Variants in SLC49A4 observed in about 807,000 individuals in gnomAD.
The protein encoded by SLC49A4 is disrupted in renal cancer protein 2.
A neutral mutation model predicts 50.6 loss-of-function variants in SLC49A4; 36 were observed. The ratio of observed to expected loss-of-function variants is 0.71; its 90% CI spans 0.55 to 0.94. The LOEUF (loss-of-function observed/expected upper bound fraction) is 0.94, where lower values mean the gene tolerates loss of function less well. SLC49A4 is among the 40% of genes least tolerant of loss of function. The pLI is 0.00. For synonymous variants in SLC49A4, 248 were observed against 241.2 expected, an observed-to-expected ratio of 1.03 and a Z score of -0.26; for missense variants, 503 against 605.7, an observed-to-expected ratio of 0.83 and a Z score of 1.78.
Position 122,795,617 on chromosome 3 carries a change from C to T in SLC49A4, c.343+82C>T, listed in dbSNP as rs143669753. 6,361 of 1,497,360 alleles carry T rather than the reference C, an allele frequency of 4.2e-3. 21 individuals are homozygous for T. The highest frequency in any genetic ancestry group is 6.9e-3 in the Middle Eastern group (29 of 4,182). The allele number at this position is 1,497,360 out of a possible 1,614,324, so 92.8% of individuals were successfully genotyped here. A position where few individuals can be genotyped will look rare whatever the true frequency, so the allele number is the denominator to read the frequency against. On this transcript the variant is annotated intron_variant, in intron 1 of 8. Transcript: ENST00000261038. ...CCCGCGCTCCAGGCCTGCCAGCCGC[C>T]TCCCTTGGCCCCGGCATAGGGGTTG...
At chr3:122,803,514 A>G (rs976094324) in intron 1 of SLC49A4, among the ~76,000 whole-genome samples, 1 of 152,230 alleles carries the variant, frequency 6.6e-6, no homozygotes, top group Non-Finnish European at 1.5e-5. Flanking sequence ...GCATGATGTC[A>G]TTAGTTCTGA....
At chr3:122,874,454 A>G (rs1937236896) in intron 8 of SLC49A4, among the ~76,000 whole-genome samples, 1 of 152,238 alleles carries the variant, frequency 6.6e-6, no homozygotes, top group Non-Finnish European at 1.5e-5. Flanking sequence ...GATATAATCA[A>G]GGATTTTTCT....
intron 7 of SLC49A4, among the ~76,000 whole-genome samples, chr3:122,870,873 T>A (rs1030306809): frequency 6.6e-6 from 1 of 151,476 alleles, no homozygotes; most frequent in Non-Finnish European, 1.5e-5. Flanking sequence ...GTTTTAGAAA[T>A]ACAATACTCT....
Position 122,851,993 on chromosome 3 carries a change from C to CTT in SLC49A4, c.943-4297_943-4296dup, listed in dbSNP as rs368287566. On this transcript the variant is annotated intron_variant, in intron 5 of 8. Transcript: ENST00000261038. ...CATTTTATAAAATTTATCTTTGATT[C>CTT]TTTTTTTTTTTTTTTTTTGAGATGG... 6.7e-4 allele frequency among the ~76,000 whole-genome samples: 86 copies of CTT among 128,020 alleles called. 1 individual carries two copies. The highest frequency in any genetic ancestry group is 1.1e-3 in the Non-Finnish European group (65 of 60,530). 84.0% of individuals were successfully genotyped at this position (128,020 alleles called of 152,430 possible).
In SLC49A4 at chr3:122,845,755, A is replaced by T. The variant is rs1445889811; in HGVS notation, c.834-8A>T. 3 of 1,534,702 alleles carry T rather than the reference A, an allele frequency of 2.0e-6. No individual in the cohort carries two copies. In the Admixed American group the frequency reaches 5.7e-5, roughly 29 times the overall value. On this transcript the variant is annotated splice_polypyrimidine_tract_variant and splice_region_variant and intron_variant, in intron 4 of 8. Transcript: ENST00000261038. Reference sequence around the variant, plus strand: ...GTTACAATGTTTCCTTTTATTTCTCATTCACAGCAATTTTCGATTTTTGAT... The same window carrying T: ...GTTACAATGTTTCCTTTTATTTCTCTTTCACAGCAATTTTCGATTTTTGAT...
chr3:122,873,465 C>G (rs1937220893), intron 8 of SLC49A4, among the ~76,000 whole-genome samples: 1 of 152,180 alleles, frequency 6.6e-6, no homozygotes, highest in Non-Finnish European at 1.5e-5. Context: ...CAGGCATGAG[C>G]CGCTGTGCCT....
intron 4 of SLC49A4, among the ~76,000 whole-genome samples, chr3:122,841,947 A>G (rs1936776914): frequency 6.6e-6 from 1 of 151,502 alleles, no homozygotes; most frequent in African/African-American, 2.4e-5. Flanking sequence ...TAGGTAAAAA[A>G]AATGTTAGGT....
intron 3 of SLC49A4, among the ~76,000 whole-genome samples, chr3:122,829,603 G>C (rs957701989): frequency 1.3e-5 from 2 of 152,098 alleles, no homozygotes; most frequent in South Asian, 4.1e-4. Context: ...AAAGAAAAAT[G>C]GCCGGACATG....
intron 3 of SLC49A4, among the ~76,000 whole-genome samples, chr3:122,829,756 C>T (rs750650222): frequency 6.6e-6 from 1 of 152,034 alleles, no homozygotes; most frequent in Non-Finnish European, 1.5e-5. Context: ...AAACAAAAAA[C>T]CTGGAGGTAA....
chr3:122,798,095 T>G (rs935013628), intron 1 of SLC49A4, among the ~76,000 whole-genome samples: 2 of 152,248 alleles, frequency 1.3e-5, no homozygotes, highest in African/African-American at 4.8e-5. Context: ...ATTTTTCTTC[T>G]GTTCCAGGAT....
intron 7 of SLC49A4, among the ~76,000 whole-genome samples, chr3:122,867,459 G>T (rs1937134092): frequency 2.0e-5 from 3 of 152,130 alleles, no homozygotes; most frequent in Admixed American, 2.0e-4. Context: ...CACTTCAACT[G>T]TAAAATACCT....
chr3:122,866,886 C>T (rs1937128256), intron 7 of SLC49A4, among the ~76,000 whole-genome samples: 1 of 152,244 alleles, frequency 6.6e-6, no homozygotes, highest in Admixed American at 6.5e-5. Context: ...GCTGTTGCTT[C>T]TCATGGTTAG....
rs1937332384 is a variant in SLC49A4 at position 122,881,005 on chromosome 3, TTA to T, written c.*1630_*1631del. 6.6e-6 allele frequency: 1 copy of T among 152,174 alleles called. No homozygotes were observed. The highest frequency in any genetic ancestry group is 1.5e-5 in the Non-Finnish European group (1 of 68,024). 9.4% of individuals were successfully genotyped at this position (152,174 alleles called of 1,614,324 possible). ...TCAGTCATCTTTAAATCGTCTCTCT[TTA>T]TAAACACTCTGCTCACTTAGCAGAA... On this transcript the variant is annotated 3_prime_UTR_variant, in exon 9 of 9. Coordinates refer to ENST00000261038, the MANE Select transcript of SLC49A4 (RefSeq NM_032839.3).
At chr3:122,857,284 T>TAA (rs10694942) in intron 6 of SLC49A4, among the ~76,000 whole-genome samples, 84,335 of 109,284 alleles carry the variant, frequency 0.77, 32,817 homozygotes, top group East Asian at 0.91. Flanking sequence ...CCATTCGTTC[T>TAA]AAAAAAAAAA....
chr3:122,862,253 T>C (rs1379436879), intron 7 of SLC49A4, among the ~76,000 whole-genome samples: 1 of 152,204 alleles, frequency 6.6e-6, no homozygotes, highest in Non-Finnish European at 1.5e-5. Flanking sequence ...ATGTGATTAA[T>C]GGGATTGTTA....
intron 2 of SLC49A4, among the ~76,000 whole-genome samples, chr3:122,822,215 G>A (rs549485382): frequency 7.2e-5 from 11 of 152,084 alleles, no homozygotes; most frequent in Non-Finnish European, 1.6e-4. Flanking sequence ...CCCCTCCTTC[G>A]TTTTTCTTTG....
intron 2 of SLC49A4, among the ~76,000 whole-genome samples, chr3:122,814,767 ATTTTTTTGTGAG>A (rs1936341908): frequency 6.6e-6 from 1 of 150,864 alleles, no homozygotes; most frequent in Admixed American, 6.6e-5. Flanking sequence ...TTTGTGTGAC[ATTTTTTTGTGAG>A]TTTTTTTGTG....
At chr3:122,821,046 G>A (rs1037228024) in intron 2 of SLC49A4, among the ~76,000 whole-genome samples, 7 of 152,162 alleles carry the variant, frequency 4.6e-5, no homozygotes, top group African/African-American at 7.2e-5. Context: ...TGTGAGTGTC[G>A]TGAGATCTGA....
At position 122,806,919 on chromosome 3, in the gene SLC49A4, A is replaced by G. The variant is rs529655779; in HGVS notation, c.406A>G (p.Ile136Val). Residue 136 changes from isoleucine (I) to valine (V), a missense_variant, in exon 2 of 9, where the codon ATA becomes GTA. By Grantham distance (29) the Ile-to-Val change is conservative (BLOSUM62 3). Coordinates refer to ENST00000261038, the MANE Select transcript of SLC49A4 (RefSeq NM_032839.3). The part of the protein sequence containing the change: ...LMVLGTGLRC[I>V]PISDLILKRR... ...GGTTTTGGGAACTGGTCTAAGATGC[A>G]TACCTATATCAGACTTAATCCTTAA... 6.2e-6 allele frequency: 10 copies of G among 1,606,158 alleles called. No individual in the cohort carries two copies. Among genetic ancestry groups the G allele is most frequent in the African/African-American group, 1.3e-5 (1 of 74,708 alleles).
Sources: allele counts gnomAD v4.1 joint callset (sites outside exome capture counted in the v4.1 genomes callset), GRCh38; gene constraint gnomAD v4.1.1; transcripts MANE v1.5; gene names NCBI Gene and HGNC (gene_info 2026-07-23, HGNC 2026-07-21).